The following KIF6 variants were observed in gnomAD, a reference collection of about 807,000 sequenced individuals.
KIF6 encodes kinesin-like protein KIF6.
KIF6 carries 106 observed loss-of-function variants against 112.7 expected under a neutral mutation model. That is an observed-to-expected ratio of 0.94 (90% CI 0.80 to 1.11). The LOEUF is 1.11. Ranked by LOEUF, KIF6 falls within the 50% of genes least tolerant of loss-of-function variation. The pLI is 0.00. For missense variants in KIF6, 929 were observed against 964.0 expected (o/e 0.96, Z 0.48); for synonymous variants, 339 against 339.9 (o/e 1.00, Z 0.03).
chr6:39,377,750 G>T (rs1358084627), intron 16 of KIF6, among the ~76,000 whole-genome samples: 2 of 152,166 alleles, frequency 1.3e-5, no homozygotes, highest in Non-Finnish European at 2.9e-5. Context: ...TCTCCAACCC[G>T]TAAGGCCCTT....
chr6:39,362,719 T>C (rs1233069937), intron 16 of KIF6, among the ~76,000 whole-genome samples: 2 of 152,138 alleles, frequency 1.3e-5, no homozygotes, highest in East Asian at 3.9e-4. Context: ...CCCTCTGCTG[T>C]CCCTCCCACT....
At chr6:39,397,695 A>G (rs1216079140) in intron 15 of KIF6, among the ~76,000 whole-genome samples, 2 of 152,160 alleles carry the variant, frequency 1.3e-5, no homozygotes, top group Non-Finnish European at 2.9e-5. Flanking sequence ...AGCAGACAAC[A>G]TAACCAAATG....
chr6:39,478,261 C>T (rs1436745104), intron 13 of KIF6, among the ~76,000 whole-genome samples: 1 of 152,134 alleles, frequency 6.6e-6, no homozygotes, highest in Non-Finnish European at 1.5e-5. Context: ...ATCCTCATAG[C>T]TTAGCTCCCA....
chr6:39,383,984 G>T (rs1393112112), intron 16 of KIF6, among the ~76,000 whole-genome samples: 1 of 152,176 alleles, frequency 6.6e-6, no homozygotes, highest in African/African-American at 2.4e-5. Context: ...TACTGATTTT[G>T]TACATTCATT....
chr6:39,410,490 A>C (rs2150351893), intron 15 of KIF6, among the ~76,000 whole-genome samples: 1 of 152,352 alleles, frequency 6.6e-6, no homozygotes, highest in Admixed American at 6.5e-5. Flanking sequence ...ACAATATAAA[A>C]AACACTATAA....
intron 16 of KIF6, among the ~76,000 whole-genome samples, chr6:39,370,020 C>T (rs1257947834): frequency 1.3e-5 from 2 of 152,212 alleles, no homozygotes; most frequent in Admixed American, 1.3e-4. Flanking sequence ...GGGCAGCCTT[C>T]CAGTCCACTG....
chr6:39,584,417 T>TAAAAAAAAAAAAAAAAAAAA lies in KIF6; in HGVS notation c.1077+461_1077+480dup, dbSNP rs61215070. Among the ~76,000 whole-genome samples the TAAAAAAAAAAAAAAAAAAAA allele has an allele frequency of 4.3e-5, 2 of 46,064 alleles. 1 individual carries two copies. The highest frequency in any genetic ancestry group is 1.2e-4 in the Non-Finnish European group (2 of 16,118). The allele number at this position is 46,064 out of a possible 152,430, so 30.2% of individuals were successfully genotyped here. A position where few individuals can be genotyped will look rare whatever the true frequency, so the allele number is the denominator to read the frequency against. ...TCCAGCCTGAGCAAGACTCTGTCTCTAAAAAAAAAAAAAAAAAAAAAAAAA... is the reference window on the plus strand; with the variant it reads ...TCCAGCCTGAGCAAGACTCTGTCTCTAAAAAAAAAAAAAAAAAAAAAAAAAAAAAAAAAAAAAAAAAAAAA... On this transcript the variant is annotated intron_variant, in intron 9 of 22. Coordinates refer to ENST00000287152, the MANE Select transcript of KIF6 (RefSeq NM_145027.6).
chr6:39,342,681 G>T lies in KIF6; in HGVS notation c.2428+1028C>A. ...GAGACAAGATCACAGCAGAGGTGGG[G>T]CTGTCTCAGGCTTAAGAAAGGACCT... On this transcript the variant is annotated intron_variant, in intron 22 of 22. Transcript: ENST00000287152. This position sits in a 1 kb window ranked among gnomAD's most constrained non-coding sequence, Gnocchi z 4.7. The T allele has an allele frequency of 3.1e-6, 1 of 321,180 alleles. No individual in the cohort carries two copies. The highest frequency in any genetic ancestry group is 4.4e-6 in the Non-Finnish European group (1 of 226,346). 19.9% of individuals were successfully genotyped at this position (321,180 alleles called of 1,614,324 possible). A position where few individuals can be genotyped will look rare whatever the true frequency, so the allele number is the denominator to read the frequency against.
chr6:39,617,216 G>T (rs752459887), intron 5 of KIF6, among the ~76,000 whole-genome samples: 17 of 152,210 alleles, frequency 1.1e-4, no homozygotes, highest in Admixed American at 1.1e-3. Context: ...CCTGCTTAAT[G>T]ATGGGGAAGA....
At chr6:39,715,681 C>T (rs59357727) in intron 2 of KIF6, among the ~76,000 whole-genome samples, 3,613 of 151,956 alleles carry the variant, frequency 0.024, 148 homozygotes, top group African/African-American at 0.081. Flanking sequence ...TTCATATTTT[C>T]AGTAGCGACA....
At chr6:39,576,250 G>T (rs139924942) in intron 10 of KIF6, among the ~76,000 whole-genome samples, 2 of 151,664 alleles carry the variant, frequency 1.3e-5, no homozygotes, top group African/African-American at 4.8e-5. Flanking sequence ...TCAGCCTCCC[G>T]AGTAGCTGGG....
At chr6:39,413,837 G>A (rs1174325930) in intron 15 of KIF6, among the ~76,000 whole-genome samples, 1 of 152,180 alleles carries the variant, frequency 6.6e-6, no homozygotes, top group African/African-American at 2.4e-5. Context: ...ACCAATGCAA[G>A]TTGGGTACAA....
intron 18 of KIF6, among the ~76,000 whole-genome samples, chr6:39,359,932 A>G (rs6899653): frequency 0.41 from 61,730 of 152,094 alleles, 14,312 homozygotes; most frequent in African/African-American, 0.64. Context: ...ATGCATAGAA[A>G]TCAAGGTAAA....
intron 3 of KIF6, among the ~76,000 whole-genome samples, chr6:39,709,210 A>T (rs1395286912): frequency 6.6e-6 from 1 of 152,218 alleles, no homozygotes; most frequent in Non-Finnish European, 1.5e-5. Flanking sequence ...CCATACATGC[A>T]GTCCTATACA....
At position 39,578,068 on chromosome 6, in the gene KIF6, G is replaced by A. The variant is rs1781068911; in HGVS notation, c.1169C>T (p.Ala390Val). ...TCTGCAGACTTACTGAAGGAGCTCTGCTTCTGTGAGTGCCTCTGTCCTCTG... is the reference window on the plus strand; with the variant it reads ...TCTGCAGACTTACTGAAGGAGCTCTACTTCTGTGAGTGCCTCTGTCCTCTG... The part of the protein sequence containing the change: ...GEQRTEALTE[A>V]ELLQLEKLIT... Residue 390 changes from alanine (A) to valine (V), a missense_variant, in exon 10 of 23, where the codon GCA becomes GTA. Physicochemically the swap from Ala to Val is moderately conservative, Grantham distance 64. Transcript: ENST00000287152. 1 of 1,612,060 alleles carries A rather than the reference G, an allele frequency of 6.2e-7. No homozygotes were observed. Among genetic ancestry groups the A allele is most frequent in the East Asian group, 2.2e-5 (1 of 44,872 alleles).
chr6:39,584,832 A>G, intron 9 of KIF6, 66 bp downstream of exon 9: 8 of 983,626 alleles, frequency 8.1e-6, no homozygotes. Context: ...AAGTGCACCT[A>G]CAAGTTTTAG....
At chr6:39,678,982 T>C (rs1787337094) in intron 3 of KIF6, among the ~76,000 whole-genome samples, 1 of 152,094 alleles carries the variant, frequency 6.6e-6, no homozygotes, top group Non-Finnish European at 1.5e-5. Flanking sequence ...AATAAAAAAA[T>C]CACATACTGA....
At chr6:39,373,643 A>T (rs1489163478) in intron 16 of KIF6, among the ~76,000 whole-genome samples, 1 of 152,170 alleles carries the variant, frequency 6.6e-6, no homozygotes, top group Non-Finnish European at 1.5e-5. Flanking sequence ...AAAAACCCAA[A>T]GAACAAACAA....
chr6:39,524,664 C>T (rs756685429), intron 13 of KIF6, among the ~76,000 whole-genome samples: 1 of 152,174 alleles, frequency 6.6e-6, no homozygotes, highest in Non-Finnish European at 1.5e-5. Context: ...CCAGCCATAA[C>T]TTAGGACAAC....
Sources: gnomAD v4.1 joint callset for allele counts (sites outside exome capture counted in the v4.1 genomes callset) on GRCh38, gnomAD v4.1.1 for gene constraint, Gnocchi (gnomAD v3.1) non-coding constraint, MANE v1.5 for transcripts, NCBI Gene and HGNC (gene_info 2026-07-23, HGNC 2026-07-21) for gene names.